CDH13: variants seen among roughly 807,000 people sequenced by gnomAD.
CDH13 encodes cadherin-13.
In CDH13, 24 loss-of-function variants were observed where a neutral mutation model predicts 63.8. The ratio of observed to expected loss-of-function variants is 0.38; its 90% CI spans 0.27 to 0.53. The LOEUF is 0.53. Ranked by LOEUF, CDH13 falls within the 20% of genes least tolerant of loss-of-function variation. The pLI, the probability that CDH13 is intolerant of heterozygous loss-of-function variation, is 0.85. For synonymous variants in CDH13, 503 were observed against 355.3 expected, an observed-to-expected ratio of 1.42 and a Z score of -4.67; for missense variants, 1,049 against 903.1, an observed-to-expected ratio of 1.16 and a Z score of -2.07.
intron 5 of CDH13, among the ~76,000 whole-genome samples, chr16:83,238,123 T>C (rs1330051148): frequency 1.3e-5 from 2 of 151,988 alleles, no homozygotes; most frequent in Non-Finnish European, 2.9e-5. Context: ...TTCCTACAAG[T>C]TCGTCCATTA....
intron 5 of CDH13, among the ~76,000 whole-genome samples, chr16:83,342,589 G>A (rs2090749525): frequency 6.6e-6 from 1 of 152,134 alleles, no homozygotes; most frequent in East Asian, 1.9e-4. Flanking sequence ...GGTTTTCTGA[G>A]ATTCAGCTCC....
chr16:82,957,365 A>T (rs1338543346), intron 2 of CDH13, among the ~76,000 whole-genome samples: 2 of 152,216 alleles, frequency 1.3e-5, no homozygotes, highest in African/African-American at 4.8e-5. Flanking sequence ...AAACATGGCA[A>T]TCCTGGCAGG....
At chr16:83,565,806 C>A (rs999942250) in intron 7 of CDH13, among the ~76,000 whole-genome samples, 3 of 151,950 alleles carry the variant, frequency 2.0e-5, no homozygotes, top group Non-Finnish European at 4.4e-5. Context: ...TGGCTTCTGA[C>A]TTTTCTTTTG....
At chr16:82,691,091 C>G (rs562669200) in intron 1 of CDH13, among the ~76,000 whole-genome samples, 2 of 152,202 alleles carry the variant, frequency 1.3e-5, no homozygotes, top group African/African-American at 2.4e-5. Flanking sequence ...TATTGGGCAT[C>G]TATGGTGTAC....
At chr16:83,743,748 C>CCTTTTTTTT (rs1912280138) in intron 10 of CDH13, among the ~76,000 whole-genome samples, 3 of 76,258 alleles carry the variant, frequency 3.9e-5, no homozygotes, top group African/African-American at 1.7e-4. Flanking sequence ...TTTCTTTTTT[C>CCTTTTTTTT]TTTTTTTTTT....
chr16:83,758,897 T>C (rs1188854622), intron 11 of CDH13, among the ~76,000 whole-genome samples: 1 of 152,184 alleles, frequency 6.6e-6, no homozygotes, highest in African/African-American at 2.4e-5. Flanking sequence ...TAAGCCCACA[T>C]TAACGGAGAG....
chr16:83,784,248 CAGT>C (rs1312215073), intron 13 of CDH13, among the ~76,000 whole-genome samples: 1 of 152,164 alleles, frequency 6.6e-6, no homozygotes, highest in Admixed American at 6.5e-5. Flanking sequence ...ATCCTACTGA[CAGT>C]GGTGAGCTGC....
chr16:83,397,095 G>A lies in CDH13; in HGVS notation c.781+52089G>A, dbSNP rs115975756. ...TCCTGGCTTTCCTGATCTCACCGCC[G>A]CCCCCTTACCCCCACTCCCCAGCAT... On this transcript the variant is annotated intron_variant, in intron 6 of 13. Coordinates refer to ENST00000567109, the MANE Select transcript of CDH13 (RefSeq NM_001257.5). 3.5e-3 allele frequency among the ~76,000 whole-genome samples: 538 copies of A among 152,012 alleles called. 7 individuals are homozygous for A. The highest frequency in any genetic ancestry group is 0.013 in the African/African-American group (520 of 41,452).
chr16:83,106,906 T>A (rs534945341), intron 3 of CDH13, among the ~76,000 whole-genome samples: 19 of 152,132 alleles, frequency 1.2e-4, no homozygotes, highest in East Asian at 5.8e-4. Flanking sequence ...ATTTTTTTTT[T>A]AAAAAAGTAT....
chr16:83,331,857 T>C (rs2090487010), intron 5 of CDH13, among the ~76,000 whole-genome samples: 1 of 152,206 alleles, frequency 6.6e-6, no homozygotes, highest in South Asian at 2.1e-4. Context: ...CAATCTTTTA[T>C]AACATTGTGT....
Position 83,780,169 on chromosome 16 carries a change from CTGA to C in CDH13, c.1885_1887del (p.Asp629del), listed in dbSNP as rs760550075. On this transcript the variant is annotated inframe_deletion, in exon 12 of 14. Coordinates refer to ENST00000567109, the MANE Select transcript of CDH13 (RefSeq NM_001257.5). ...TTTGAAATCCACAAACAAGCTGTTC[CTGA>C]TAAAGTCTGGAAGATCTCCAAGATC... 20 of 1,606,496 alleles carry C rather than the reference CTGA, an allele frequency of 1.2e-5. No individual in the cohort carries two copies. In the Admixed American group the frequency reaches 2.5e-4, roughly 20 times the overall value.
chr16:83,309,529 G>C (rs534190396), intron 5 of CDH13, among the ~76,000 whole-genome samples: 2 of 152,130 alleles, frequency 1.3e-5, no homozygotes, highest in Non-Finnish European at 2.9e-5. Flanking sequence ...GGCGAGTGCC[G>C]CCACGCCCAG....
chr16:82,916,357 C>T (rs754171829), intron 2 of CDH13, among the ~76,000 whole-genome samples: 4 of 152,000 alleles, frequency 2.6e-5, no homozygotes, highest in Non-Finnish European at 4.4e-5. Context: ...GAGTGGATGA[C>T]GAGGTTAGGA....
chr16:83,421,542 A>G (rs2071713920), intron 6 of CDH13, among the ~76,000 whole-genome samples: 1 of 152,244 alleles, frequency 6.6e-6, no homozygotes, highest in African/African-American at 2.4e-5. Context: ...TTGAAATGAA[A>G]TGAGATGAGA....
intron 3 of CDH13, among the ~76,000 whole-genome samples, chr16:83,099,157 C>T (rs1004048427): frequency 6.6e-6 from 1 of 152,012 alleles, no homozygotes; most frequent in African/African-American, 2.4e-5. Flanking sequence ...CCTATTCTAA[C>T]ATATTTAATA....
intron 1 of CDH13, among the ~76,000 whole-genome samples, chr16:82,775,320 GT>G (rs1432313768): frequency 1.3e-5 from 2 of 152,198 alleles, no homozygotes; most frequent in Non-Finnish European, 2.9e-5. Flanking sequence ...AGTAACCATT[GT>G]TTTGAATAGT....
intron 6 of CDH13, among the ~76,000 whole-genome samples, chr16:83,403,951 C>T (rs1388985660): frequency 6.6e-6 from 1 of 152,186 alleles, no homozygotes; most frequent in Admixed American, 6.5e-5. Context: ...CAAATGTTTG[C>T]ACCTATGTGT....
At chr16:83,188,493 G>C (rs552849538) in intron 4 of CDH13, among the ~76,000 whole-genome samples, 2 of 152,172 alleles carry the variant, frequency 1.3e-5, no homozygotes, top group Non-Finnish European at 2.9e-5. Context: ...AAAGAAGCCA[G>C]CCTCGCTGCC....
At chr16:83,039,137 C>T (rs1917120236) in intron 3 of CDH13, among the ~76,000 whole-genome samples, 1 of 152,190 alleles carries the variant, frequency 6.6e-6, no homozygotes, top group Non-Finnish European at 1.5e-5. Flanking sequence ...GTTATGAGGG[C>T]CACAGGCTAT....
Sources: gnomAD v4.1 joint callset for allele counts (sites outside exome capture counted in the v4.1 genomes callset) on GRCh38, gnomAD v4.1.1 for gene constraint, MANE v1.5 for transcripts, NCBI Gene and HGNC (gene_info 2026-07-23, HGNC 2026-07-21) for gene names.